The following CCDC7 variants were observed in gnomAD, a reference collection of about 807,000 sequenced individuals.
The protein encoded by CCDC7 is coiled-coil domain containing 7, also known as coiled-coil domain-containing protein 7.
In CCDC7, 183 loss-of-function variants were observed where a neutral mutation model predicts 196.9. The ratio of observed to expected loss-of-function variants is 0.93; its 90% CI spans 0.82 to 1.05. The LOEUF is 1.05. Ranked by LOEUF, CCDC7 falls within the 50% of genes least tolerant of loss-of-function variation. The pLI, the probability that CCDC7 is intolerant of heterozygous loss-of-function variation, is 0.00. For synonymous variants in CCDC7, 525 were observed against 484.6 expected, an observed-to-expected ratio of 1.08 and a Z score of -1.10; for missense variants, 1,540 against 1,482.2, an observed-to-expected ratio of 1.04 and a Z score of -0.64.
At chr10:32,655,957 C>T (rs1425500546) in intron 20 of CCDC7, among the ~76,000 whole-genome samples, 1 of 152,102 alleles carries the variant, frequency 6.6e-6, no homozygotes, top group Non-Finnish European at 1.5e-5. Flanking sequence ...CTATTAACTC[C>T]TTATCAGATC....
At position 32,489,395 on chromosome 10, in the gene CCDC7, T is replaced by G. The variant is rs186445081; in HGVS notation, c.797-2527T>G. Among the ~76,000 whole-genome samples the G allele has an allele frequency of 3.1e-3, 477 of 152,212 alleles. 2 individuals carry two copies. The highest frequency in any genetic ancestry group is 5.3e-3 in the Non-Finnish European group (358 of 67,980). On this transcript the variant is annotated intron_variant, in intron 8 of 41. Coordinates refer to ENST00000639629, the Ensembl canonical transcript of CCDC7. ...AGAGCAACAGTTGCGTGGGCTAGCTTGTTGTGGTGGTAGCTCTGATGTCTG... is the reference window on the plus strand; with the variant it reads ...AGAGCAACAGTTGCGTGGGCTAGCTGGTTGTGGTGGTAGCTCTGATGTCTG...
intron 24 of CCDC7, among the ~76,000 whole-genome samples, chr10:32,699,352 C>A (rs1483168494): frequency 6.6e-6 from 1 of 151,890 alleles, no homozygotes; most frequent in Non-Finnish European, 1.5e-5. Flanking sequence ...TGGTTTCCAG[C>A]TTCATCTATG....
intron 26 of CCDC7, 89 bp from the exon 28 acceptor site, chr10:32,728,798 T>C (rs746939873): frequency 2.5e-5 from 17 of 669,274 alleles, no homozygotes; most frequent in Non-Finnish European, 3.8e-5. Context: ...AATTTACTTA[T>C]AACTTTATAA....
At chr10:32,797,731 G>T (rs538734425) in intron 29 of CCDC7, among the ~76,000 whole-genome samples, 24 of 132,178 alleles carry the variant, frequency 1.8e-4, no homozygotes, top group African/African-American at 5.4e-4. Context: ...GTCATTAGGG[G>T]TGATGGTGAG....
chr10:32,625,233 C>T (rs2063874295), intron 18 of CCDC7, among the ~76,000 whole-genome samples: 1 of 151,196 alleles, frequency 6.6e-6, no homozygotes, highest in Non-Finnish European at 1.5e-5. Flanking sequence ...TGTGGATATC[C>T]AATTTTCTCA....
chr10:32,665,623 AATAATATGTT>A (rs570976785), intron 21 of CCDC7, among the ~76,000 whole-genome samples: 1 of 152,092 alleles, frequency 6.6e-6, no homozygotes, highest in Non-Finnish European at 1.5e-5. Context: ...GCTGTAGCTA[AATAATATGTT>A]TTAAAATTAG....
intron 41 of CCDC7, among the ~76,000 whole-genome samples, chr10:32,862,533 T>G (rs183728064): frequency 6.2e-4 from 94 of 151,824 alleles, no homozygotes; most frequent in Non-Finnish European, 1.2e-3. Flanking sequence ...GTTCTGCACA[T>G]GTACCCCAGA....
intron 23 of CCDC7, among the ~76,000 whole-genome samples, chr10:32,692,823 A>T (rs1412226350): frequency 6.6e-6 from 1 of 152,190 alleles, no homozygotes; most frequent in Non-Finnish European, 1.5e-5. Flanking sequence ...CAAGGGTCAG[A>T]TGCATCAGTG....
At chr10:32,693,116 G>A (rs1225137792) in intron 23 of CCDC7, among the ~76,000 whole-genome samples, 1 of 152,148 alleles carries the variant, frequency 6.6e-6, no homozygotes, top group Non-Finnish European at 1.5e-5. Flanking sequence ...CTATATTGAT[G>A]AGTTACTGCT....
At chr10:32,500,487 T>C (rs2043796318) in intron 9 of CCDC7, among the ~76,000 whole-genome samples, 1 of 135,634 alleles carries the variant, frequency 7.4e-6, no homozygotes, top group Non-Finnish European at 1.6e-5. Flanking sequence ...TCCCAGACGA[T>C]GGGCGGCGGG....
chr10:32,608,362 G>T (rs1284750540), intron 18 of CCDC7, among the ~76,000 whole-genome samples: 1 of 151,556 alleles, frequency 6.6e-6, no homozygotes, highest in Non-Finnish European at 1.5e-5. Context: ...CTCCTTTTCT[G>T]GTTCCTTGAG....
At chr10:32,789,762 G>C (rs1047883700) in intron 29 of CCDC7, among the ~76,000 whole-genome samples, 6 of 151,906 alleles carry the variant, frequency 3.9e-5, no homozygotes, top group Non-Finnish European at 7.4e-5. Flanking sequence ...CTTAGGAGTG[G>C]GTTTATTATA....
At chr10:32,491,376 A>AT (rs1167629014) in intron 8 of CCDC7, among the ~76,000 whole-genome samples, 1 of 152,086 alleles carries the variant, frequency 6.6e-6, no homozygotes, top group Non-Finnish European at 1.5e-5. Context: ...TAGTTCATTG[A>AT]TTATTATGGA....
chr10:32,565,816 C>T (rs772812625), intron 14 of CCDC7, among the ~76,000 whole-genome samples, 196 bp downstream of exon 15: 6 of 151,626 alleles, frequency 4.0e-5, no homozygotes, highest in African/African-American at 7.3e-5. Flanking sequence ...TCAAAAATAG[C>T]GAGATATAAA....
intron 41 of CCDC7, among the ~76,000 whole-genome samples, chr10:32,865,953 T>C (rs577897858): frequency 5.7e-4 from 86 of 151,916 alleles, no homozygotes; most frequent in African/African-American, 2.0e-3. Flanking sequence ...GTTGAAAATA[T>C]CTGCATGAAC....
upstream of CCDC7, among the ~76,000 whole-genome samples, chr10:32,450,842 C>T (rs1378980651): frequency 6.6e-6 from 1 of 152,146 alleles, no homozygotes; most frequent in African/African-American, 2.4e-5. Context: ...AATGTATTCT[C>T]TCGTTGCTTC....
At chr10:32,868,898 T>G (rs1415052706) in intron 41 of CCDC7, among the ~76,000 whole-genome samples, 1 of 152,160 alleles carries the variant, frequency 6.6e-6, no homozygotes, top group Non-Finnish European at 1.5e-5. Flanking sequence ...GGACATGAAT[T>G]CATTCTTTTT....
intron 9 of CCDC7, among the ~76,000 whole-genome samples, chr10:32,516,041 T>C (rs1364344866): frequency 6.6e-6 from 1 of 151,900 alleles, no homozygotes; most frequent in Non-Finnish European, 1.5e-5. Flanking sequence ...TAAAAACTCT[T>C]GTGCTGCAAA....
At chr10:32,637,837 C>T (rs190371620) in intron 20 of CCDC7, among the ~76,000 whole-genome samples, 17 of 152,240 alleles carry the variant, frequency 1.1e-4, no homozygotes, top group African/African-American at 3.1e-4. Context: ...GTCATTTTCA[C>T]GATATTGATT....
Sources: gnomAD v4.1 joint callset for allele counts (sites outside exome capture counted in the v4.1 genomes callset) on GRCh38, gnomAD v4.1.1 for gene constraint, MANE v1.5 for transcripts, NCBI Gene and HGNC (gene_info 2026-07-23, HGNC 2026-07-21) for gene names.